Variants in RBFOX1 observed in about 807,000 individuals in gnomAD.
RBFOX1 encodes RNA binding protein fox-1 homolog 1.
In RBFOX1, 8 loss-of-function variants were observed where a neutral mutation model predicts 57.7. That is an observed-to-expected ratio of 0.14 (90% CI 0.08 to 0.25). The LOEUF (loss-of-function observed/expected upper bound fraction) is 0.25, where lower values mean the gene tolerates loss of function less well. RBFOX1 is among the 10% of genes least tolerant of loss of function. The pLI, the probability that RBFOX1 is intolerant of heterozygous loss-of-function variation, is 1.00. For missense variants in RBFOX1, 611 were observed against 548.5 expected (o/e 1.11, Z -1.14); for synonymous variants, 326 against 222.4 (o/e 1.47, Z -4.15).
chr16:5,838,957 C>G (rs1332527611), intron 3 of RBFOX1, among the ~76,000 whole-genome samples: 1 of 152,042 alleles, frequency 6.6e-6, no homozygotes, highest in Non-Finnish European at 1.5e-5. Flanking sequence ...AAGTTTGCAC[C>G]CCAGAGGACA....
chr16:7,461,388 C>G (rs556970545), intron 4 of RBFOX1, among the ~76,000 whole-genome samples: 1 of 151,866 alleles, frequency 6.6e-6, no homozygotes, highest in South Asian at 2.1e-4. Flanking sequence ...GGATGGTGTC[C>G]ATCTGTTGAC....
chr16:6,498,246 C>G (rs940637633), intron 2 of RBFOX1, among the ~76,000 whole-genome samples: 1 of 128,528 alleles, frequency 7.8e-6, no homozygotes, highest in Non-Finnish European at 1.7e-5. Flanking sequence ...AGAGGAACTC[C>G]GTCTCAAAAC....
At chr16:5,955,606 C>T (rs2059622217) in intron 4 of RBFOX1, among the ~76,000 whole-genome samples, 1 of 152,030 alleles carries the variant, frequency 6.6e-6, no homozygotes, top group South Asian at 2.1e-4. Flanking sequence ...TCTTTGGTAG[C>T]AGTTTTTGAC....
At chr16:6,066,272 C>T (rs375265115) in intron 1 of RBFOX1, among the ~76,000 whole-genome samples, 44 of 106,736 alleles carry the variant, frequency 4.1e-4, no homozygotes, top group Middle Eastern at 0.01. Context: ...TCCAGCCTGA[C>T]TACAGAGCAA....
chr16:6,494,023 C>A (rs1306655491), intron 2 of RBFOX1, among the ~76,000 whole-genome samples: 2 of 152,280 alleles, frequency 1.3e-5, no homozygotes, highest in East Asian at 1.9e-4. Context: ...TGAAAACTTT[C>A]ATTCCTCATC....
intron 4 of RBFOX1, among the ~76,000 whole-genome samples, chr16:7,345,565 C>G (rs1470927521): frequency 6.6e-6 from 1 of 152,136 alleles, no homozygotes; most frequent in Non-Finnish European, 1.5e-5. Context: ...TGTGTGGGCG[C>G]CCAGCAGATG....
intron 1 of RBFOX1, among the ~76,000 whole-genome samples, chr16:5,254,410 A>G (rs2062531507): frequency 1.3e-5 from 2 of 152,178 alleles, no homozygotes; most frequent in South Asian, 4.1e-4. Context: ...TGTATTCCAT[A>G]AAATACCAGT....
chr16:6,265,205 C>G (rs1285842100), intron 1 of RBFOX1, among the ~76,000 whole-genome samples: 1 of 152,150 alleles, frequency 6.6e-6, no homozygotes, highest in African/African-American at 2.4e-5. Flanking sequence ...TGTCTGGTTA[C>G]CCTCGGGCCT....
At chr16:7,080,061 A>T (rs932251975) in intron 4 of RBFOX1, among the ~76,000 whole-genome samples, 1 of 139,018 alleles carries the variant, frequency 7.2e-6, no homozygotes, top group African/African-American at 2.8e-5. Flanking sequence ...TATACATATT[A>T]TATATATACA....
intron 1 of RBFOX1, among the ~76,000 whole-genome samples, chr16:5,356,946 T>A (rs905523591): frequency 1.3e-5 from 2 of 152,248 alleles, no homozygotes; most frequent in African/African-American, 4.8e-5. Context: ...ATACATCGTT[T>A]CGTTGAAGCC....
intron 2 of RBFOX1, among the ~76,000 whole-genome samples, chr16:6,646,413 A>G (rs1476267548): frequency 1.3e-5 from 2 of 152,158 alleles, no homozygotes; most frequent in East Asian, 3.9e-4. Flanking sequence ...AATAAATTGA[A>G]TAATCTTAGG....
chr16:7,707,563 T>A (rs1009080214), intron 14 of RBFOX1, among the ~76,000 whole-genome samples: 1 of 152,156 alleles, frequency 6.6e-6, no homozygotes, highest in African/African-American at 2.4e-5. Context: ...AGTGAGTGTC[T>A]GATGCATTCA....
At chr16:5,623,895 C>T (rs1434522378) in intron 3 of RBFOX1, among the ~76,000 whole-genome samples, 8 of 152,118 alleles carry the variant, frequency 5.3e-5, no homozygotes, top group Admixed American at 3.3e-4. Flanking sequence ...TTAGAGCATA[C>T]GATTCAGTGG....
chr16:5,743,934 C>T (rs1204056825), intron 3 of RBFOX1, among the ~76,000 whole-genome samples: 1 of 152,172 alleles, frequency 6.6e-6, no homozygotes, highest in Non-Finnish European at 1.5e-5. Flanking sequence ...ATCTTGATAA[C>T]AGAAACTTTC....
chr16:6,003,763 T>C (rs2060644594), intron 4 of RBFOX1, among the ~76,000 whole-genome samples: 1 of 152,102 alleles, frequency 6.6e-6, no homozygotes, highest in Non-Finnish European at 1.5e-5. Flanking sequence ...TAAGCCAGGG[T>C]CTCAATCTCA....
chr16:6,782,849 A>G (rs868531058), intron 3 of RBFOX1, among the ~76,000 whole-genome samples: 4 of 152,136 alleles, frequency 2.6e-5, no homozygotes, highest in East Asian at 1.9e-4. Flanking sequence ...CCCAACTATC[A>G]TTGTGCTGGG....
At chr16:7,075,665 C>G (rs147516704) in intron 4 of RBFOX1, among the ~76,000 whole-genome samples, 2 of 152,142 alleles carry the variant, frequency 1.3e-5, no homozygotes, top group African/African-American at 2.4e-5. Flanking sequence ...ACTGCAAGGT[C>G]CGCCTCTCAG....
At chr16:7,584,126 T>C (rs4424922) in intron 6 of RBFOX1, among the ~76,000 whole-genome samples, 4,767 of 152,244 alleles carry the variant, frequency 0.031, 219 homozygotes, top group African/African-American at 0.11. Flanking sequence ...GATGCCTTTC[T>C]TTGGCCTTCA....
intron 3 of RBFOX1, among the ~76,000 whole-genome samples, chr16:5,814,999 T>G (rs2055576757): frequency 6.6e-6 from 1 of 151,898 alleles, no homozygotes; most frequent in South Asian, 2.1e-4. Context: ...TTCTTTTTTT[T>G]TTTAAATGAG....
Sources: gnomAD v4.1 joint callset for allele counts (sites outside exome capture counted in the v4.1 genomes callset) on GRCh38, gnomAD v4.1.1 for gene constraint, MANE v1.5 for transcripts, NCBI Gene and HGNC (gene_info 2026-07-23, HGNC 2026-07-21) for gene names.